ALMS1: variants seen among roughly 807,000 people sequenced by gnomAD.
ALMS1 encodes the protein ALMS1 centrosome and basal body associated protein, also known as centrosome-associated protein ALMS1.
In ALMS1, 271 loss-of-function variants were observed where a neutral mutation model predicts 352.2. The observed-to-expected ratio is 0.77, with a 90% confidence interval of 0.70 to 0.85. ALMS1 has a LOEUF of 0.85. Among genes scored for constraint, ALMS1 ranks in the 40% least tolerant of loss-of-function variants. The pLI, the probability that ALMS1 is intolerant of heterozygous loss-of-function variation, is 0.00. For synonymous variants in ALMS1, 1,865 were observed against 1,761.2 expected, an observed-to-expected ratio of 1.06 and a Z score of -1.48; for missense variants, 5,445 against 4,870.7, an observed-to-expected ratio of 1.12 and a Z score of -3.51.
At chr2:73,477,409 C>G (rs752515975) in intron 9 of ALMS1, among the ~76,000 whole-genome samples, 1 of 151,776 alleles carries the variant, frequency 6.6e-6, no homozygotes, top group Non-Finnish European at 1.5e-5. Flanking sequence ...GTTTTGACAT[C>G]GGAAAGAGTG....
At chr2:73,495,818 T>G (rs1475383375) in intron 10 of ALMS1, among the ~76,000 whole-genome samples, 7 of 152,208 alleles carry the variant, frequency 4.6e-5, no homozygotes, top group African/African-American at 9.6e-5. Flanking sequence ...ATTTGTAACT[T>G]CTGTCTCTAA....
chr2:73,603,277 A>G lies in ALMS1; in HGVS notation c.12335A>G (p.Lys4112Arg). The change falls in exon 21 of 23, where the codon AAG becomes AGG. Residue 4112 changes from lysine to arginine, a missense_variant. By Grantham distance (26) the Lys-to-Arg change is conservative (BLOSUM62 2). Transcript: ENST00000613296. ...ATCCAGAAGAACAAGCCTATCAGCA[A>G]GAAGGAAATGATTCAGAGGTCCAAA... is the stretch of plus-strand genomic sequence containing the variant. The part of the protein sequence containing the change: ...LAIQKNKPIS[K>R]KEMIQRSKRI... The G allele has an allele frequency of 6.2e-7, 1 of 1,614,220 alleles. No homozygotes were observed. Among genetic ancestry groups the G allele is most frequent in the Non-Finnish European group, 8.5e-7 (1 of 1,180,024 alleles).
intron 9 of ALMS1, among the ~76,000 whole-genome samples, chr2:73,469,273 A>T (rs980020300): frequency 1.3e-5 from 2 of 151,988 alleles, no homozygotes; most frequent in Non-Finnish European, 2.9e-5. Flanking sequence ...GAAATTATAA[A>T]ATAAAATCTA....
chr2:73,436,444 C>T (rs1469973782), intron 7 of ALMS1, among the ~76,000 whole-genome samples: 1 of 152,110 alleles, frequency 6.6e-6, no homozygotes, highest in Non-Finnish European at 1.5e-5. Flanking sequence ...AGTTTTCAGC[C>T]ATCATTTCTT....
intron 6 of ALMS1, among the ~76,000 whole-genome samples, chr2:73,429,324 C>T (rs2103727712): frequency 7.0e-6 from 1 of 143,754 alleles, no homozygotes; most frequent in East Asian, 2.0e-4. Context: ...TCTTGTCATC[C>T]AGGCTGGAGT....
chr2:73,454,213 G>A (rs994919878), intron 8 of ALMS1, 146 bp downstream of exon 8: 3 of 1,399,352 alleles, frequency 2.1e-6, no homozygotes, highest in Non-Finnish European at 2.8e-6. Flanking sequence ...AGTTCTAAAT[G>A]TATTTTCCAA....
At chr2:73,503,094 T>A (rs192777915) in intron 10 of ALMS1, among the ~76,000 whole-genome samples, 57 of 152,234 alleles carry the variant, frequency 3.7e-4, no homozygotes, top group African/African-American at 1.3e-3. Context: ...TGTCTTTTTT[T>A]TTATTTTTAT....
intron 7 of ALMS1, among the ~76,000 whole-genome samples, chr2:73,446,342 C>A (rs1161902852): frequency 6.6e-6 from 1 of 152,082 alleles, no homozygotes; most frequent in East Asian, 1.9e-4. Flanking sequence ...ATCAGGAAAT[C>A]ATTTAGAAAA....
At chr2:73,601,081 T>G (rs1395117686) in intron 18 of ALMS1, 114 bp from the exon 19 acceptor site, 2 of 1,547,416 alleles carry the variant, frequency 1.3e-6, no homozygotes, top group East Asian at 2.2e-5. Flanking sequence ...CCCTGTGGCC[T>G]CTGACAGCTG....
intron 16 of ALMS1, among the ~76,000 whole-genome samples, chr2:73,575,771 G>A (rs926123242): frequency 6.6e-6 from 1 of 151,884 alleles, no homozygotes; most frequent in African/African-American, 2.4e-5. Flanking sequence ...CATTTTGTAG[G>A]TTGCCTCTTT....
Position 73,572,619 on chromosome 2 carries a change from A to G in ALMS1, c.10742A>G (p.Gln3581Arg), listed in dbSNP as rs45461796. ...PKHNGQISDP[Q>R]RDQKVTPEQT... ...CATAATGGACAAATTAGTGATCCAC[A>G]AAGGGATCAGAAGGTCACCCCAGAG... is the stretch of plus-strand genomic sequence containing the variant. Residue 3581 changes from glutamine (Q) to arginine (R), a missense_variant, in exon 16 of 23, where the codon CAA (glutamine) becomes CGA (arginine). By Grantham distance (43) the Gln-to-Arg change is conservative (BLOSUM62 1). Transcript: ENST00000613296. 2.5e-6 allele frequency: 4 copies of G among 1,614,026 alleles called. No homozygotes were observed. The highest frequency in any genetic ancestry group is 3.4e-6 in the Non-Finnish European group (4 of 1,179,990).
intron 10 of ALMS1, among the ~76,000 whole-genome samples, chr2:73,517,388 G>A (rs1168116164): frequency 6.6e-6 from 1 of 151,462 alleles, no homozygotes; most frequent in Non-Finnish European, 1.5e-5. Flanking sequence ...TCAGTTGCTG[G>A]GACTATAGGC....
chr2:73,398,810 C>T (rs1385847397), intron 1 of ALMS1, among the ~76,000 whole-genome samples: 1 of 152,000 alleles, frequency 6.6e-6, no homozygotes, highest in African/African-American at 2.4e-5. Flanking sequence ...GCTAGTTTTA[C>T]TTATTAATTC....
chr2:73,460,456 G>A (rs1264138789), intron 9 of ALMS1, among the ~76,000 whole-genome samples: 1 of 152,000 alleles, frequency 6.6e-6, no homozygotes, highest in African/African-American at 2.4e-5. Flanking sequence ...AAAAAATTCG[G>A]GTGGAGCCAA....
intron 9 of ALMS1, among the ~76,000 whole-genome samples, chr2:73,471,300 A>G (rs542400663): frequency 6.6e-6 from 1 of 151,004 alleles, no homozygotes; most frequent in African/African-American, 2.4e-5. Context: ...AAAACAACTT[A>G]TAGCTACAGC....
At chr2:73,482,714 CT>C (rs1672738527) in intron 9 of ALMS1, among the ~76,000 whole-genome samples, 1 of 151,924 alleles carries the variant, frequency 6.6e-6, no homozygotes, top group Non-Finnish European at 1.5e-5. Flanking sequence ...GTCCTGGACT[CT>C]TTTTGGTTGG....
chr2:73,523,105 A>C (rs760400675), intron 11 of ALMS1, among the ~76,000 whole-genome samples: 3 of 152,196 alleles, frequency 2.0e-5, no homozygotes, highest in Non-Finnish European at 2.9e-5. Context: ...TCCCAAATGC[A>C]TGCATTCTAT....
At chr2:73,473,766 G>C (rs960311412) in intron 9 of ALMS1, among the ~76,000 whole-genome samples, 2 of 152,072 alleles carry the variant, frequency 1.3e-5, no homozygotes, top group African/African-American at 4.8e-5. Flanking sequence ...GGATTCAATA[G>C]CTGAGTAGTC....
intron 15 of ALMS1, among the ~76,000 whole-genome samples, chr2:73,562,401 T>G (rs1276592571): frequency 2.6e-5 from 4 of 152,078 alleles, no homozygotes; most frequent in Non-Finnish European, 5.9e-5. Context: ...TACTGAGATG[T>G]ATGTTTGCGA....
Sources: gnomAD v4.1 joint callset for allele counts (sites outside exome capture counted in the v4.1 genomes callset) on GRCh38, gnomAD v4.1.1 for gene constraint, MANE v1.5 for transcripts, NCBI Gene and HGNC (gene_info 2026-07-23, HGNC 2026-07-21) for gene names.